The following SKAP1 variants were observed in gnomAD, a reference collection of about 807,000 sequenced individuals.
The protein encoded by SKAP1 is src kinase associated phosphoprotein 1.
Under a neutral mutation model 58.5 loss-of-function variants are expected in SKAP1, and 44 were observed. The ratio of observed to expected loss-of-function variants is 0.75; its 90% CI spans 0.59 to 0.97. The LOEUF (loss-of-function observed/expected upper bound fraction) is 0.97. Ranked by LOEUF, SKAP1 falls within the 50% of genes least tolerant of loss-of-function variation. The probability of loss-of-function intolerance (pLI) is 0.00; values close to 1 mark genes in which losing one functional copy is unlikely to be tolerated. For synonymous variants in SKAP1, 127 were observed against 149.7 expected (o/e 0.85, Z 1.11); for missense variants, 390 against 435.2 (o/e 0.90, Z 0.92).
chr17:48,185,633 C>T (rs1311138068), intron 6 of SKAP1, among the ~76,000 whole-genome samples: 1 of 151,976 alleles, frequency 6.6e-6, no homozygotes, highest in Non-Finnish European at 1.5e-5. Context: ...GCTTTGAGCT[C>T]TATATCATGT....
At chr17:48,231,363 G>A (rs1293550069) in intron 4 of SKAP1, among the ~76,000 whole-genome samples, 3 of 152,102 alleles carry the variant, frequency 2.0e-5, no homozygotes, top group East Asian at 3.9e-4. Flanking sequence ...AATGTGTAGG[G>A]ATTATTGCAA....
At chr17:48,175,614 T>G (rs2064278744) in intron 9 of SKAP1, among the ~76,000 whole-genome samples, 1 of 152,242 alleles carries the variant, frequency 6.6e-6, no homozygotes, top group Non-Finnish European at 1.5e-5. Context: ...CTGCAACACT[T>G]GGAATGCACT....
At chr17:48,380,090 A>C (rs140672249) in intron 2 of SKAP1, 1 of 152,244 alleles carries the variant, frequency 6.6e-6, no homozygotes, top group African/African-American at 2.4e-5. Context: ...TCTAAAAGCT[A>C]ATGACTACGT....
chr17:48,196,772 T>C (rs945999433), intron 4 of SKAP1: 2 of 152,268 alleles, frequency 1.3e-5, no homozygotes, highest in Non-Finnish European at 2.9e-5. Context: ...GTATATATGC[T>C]GCCAAAGTGA....
intron 4 of SKAP1, among the ~76,000 whole-genome samples, chr17:48,325,248 C>CAAAAAAAAAAAAAAAA (rs200281665): frequency 1.1e-5 from 1 of 91,460 alleles, no homozygotes; most frequent in Non-Finnish European, 2.2e-5. Context: ...GACTCCGTCT[C>CAAAAAAAAAAAAAAAA]AAAAAAAAAA....
chr17:48,206,104 T>C (rs1291303240), intron 4 of SKAP1, among the ~76,000 whole-genome samples: 1 of 152,178 alleles, frequency 6.6e-6, no homozygotes, highest in South Asian at 2.1e-4. Context: ...ATGGAACTGA[T>C]GGATCATCTG....
At chr17:48,204,981 C>CTTTTCTTTTCTTTTCT (rs1567819762) in intron 4 of SKAP1, among the ~76,000 whole-genome samples, 1 of 57,096 alleles carries the variant, frequency 1.8e-5, no homozygotes, top group African/African-American at 5.7e-5. Context: ...TCTTTTCTTT[C>CTTTTCTTTTCTTTTCT]TTTCTTTCTT....
At chr17:48,256,862 A>G (rs1041170255) in intron 4 of SKAP1, among the ~76,000 whole-genome samples, 3 of 152,098 alleles carry the variant, frequency 2.0e-5, no homozygotes, top group Admixed American at 6.6e-5. Flanking sequence ...ACATCTCAAT[A>G]TGGAGGGGAG....
At chr17:48,160,149 CAG>C (rs1328674970) in intron 11 of SKAP1, among the ~76,000 whole-genome samples, 2 of 152,030 alleles carry the variant, frequency 1.3e-5, no homozygotes, top group East Asian at 1.9e-4. Flanking sequence ...TTTTTGGAGA[CAG>C]AGTCTCACTC....
At chr17:48,348,340 C>CAAA (rs565006476) in intron 3 of SKAP1, among the ~76,000 whole-genome samples, 6 of 75,256 alleles carry the variant, frequency 8.0e-5, no homozygotes, top group East Asian at 6.3e-4. Flanking sequence ...AGCCCTGCCT[C>CAAA]AAAAAAAAAA....
chr17:48,197,810 T>G (rs2064659082), intron 4 of SKAP1, among the ~76,000 whole-genome samples: 1 of 152,226 alleles, frequency 6.6e-6, no homozygotes, highest in Non-Finnish European at 1.5e-5. Flanking sequence ...CCATGAGTAT[T>G]CATGGAGGAT....
chr17:48,278,999 A>G (rs1426352682), intron 4 of SKAP1, among the ~76,000 whole-genome samples: 4 of 152,166 alleles, frequency 2.6e-5, no homozygotes, highest in Non-Finnish European at 5.9e-5. Flanking sequence ...GCCATACAGC[A>G]TATGATTCTT....
At chr17:48,320,924 C>T (rs1290204082) in intron 4 of SKAP1, among the ~76,000 whole-genome samples, 2 of 152,290 alleles carry the variant, frequency 1.3e-5, no homozygotes, top group East Asian at 3.9e-4. Context: ...ACGTCAAATT[C>T]TTTCTGTTTC....
At chr17:48,285,839 T>C (rs188887040) in intron 4 of SKAP1, among the ~76,000 whole-genome samples, 16 of 152,342 alleles carry the variant, frequency 1.1e-4, no homozygotes, top group Non-Finnish European at 2.1e-4. Context: ...TGGAGTCAGA[T>C]GTATATGAAC....
At chr17:48,264,745 A>AACACACACACACACACAC (rs55733017) in intron 4 of SKAP1, among the ~76,000 whole-genome samples, 44 of 142,858 alleles carry the variant, frequency 3.1e-4, no homozygotes, top group South Asian at 1.9e-3. Flanking sequence ...AAATCTACAA[A>AACACACACACACACACAC]ACACACACAC....
chr17:48,189,442 G>C lies in SKAP1; in HGVS notation c.339C>G (p.Tyr113Ter). 2 of 1,613,206 alleles carry C rather than the reference G, an allele frequency of 1.2e-6. No individual in the cohort carries two copies. Among genetic ancestry groups the C allele is most frequent in the Non-Finnish European group, 1.7e-6 (2 of 1,179,562 alleles). The change falls in exon 5 of 13, where the codon TAC becomes TAG. Residue 113 changes from tyrosine to a stop codon, truncating the protein, a stop_gained. Coordinates refer to ENST00000336915, the MANE Select transcript of SKAP1 (RefSeq NM_003726.4). LOFTEE classifies it high-confidence loss of function. ...QELDNVIKQGYLEKKSKDHSF... is the reference protein window; with the variant it reads ...QELDNVIKQG Reference sequence around the variant, plus strand: ...CAATACCTTTGCTTTTCTTCTCCAAGTATCCTTGCTTGATTACGTTATCAA... The same window carrying C: ...CAATACCTTTGCTTTTCTTCTCCAACTATCCTTGCTTGATTACGTTATCAA...
intron 4 of SKAP1, among the ~76,000 whole-genome samples, chr17:48,340,353 C>A (rs1014897209): frequency 1.3e-5 from 2 of 151,698 alleles, no homozygotes; most frequent in African/African-American, 2.4e-5. Context: ...ACCCTGAAAA[C>A]AAAACAAACA....
chr17:48,208,917 G>A (rs2064839478), intron 4 of SKAP1, among the ~76,000 whole-genome samples: 1 of 152,018 alleles, frequency 6.6e-6, no homozygotes, highest in Non-Finnish European at 1.5e-5. Context: ...CTAGGACTTG[G>A]GCCTGTATCT....
intron 12 of SKAP1, chr17:48,136,542 G>C (rs566898628): frequency 6.6e-6 from 1 of 152,516 alleles, no homozygotes; most frequent in Admixed American, 6.5e-5. Context: ...TTGAGCATCT[G>C]TCTTGGCCTT....
Sources: allele counts gnomAD v4.1 joint callset (sites outside exome capture counted in the v4.1 genomes callset), GRCh38; gene constraint gnomAD v4.1.1; transcripts MANE v1.5; gene names NCBI Gene and HGNC (gene_info 2026-07-23, HGNC 2026-07-21).